The following GALNTL6 variants were observed in gnomAD, a reference collection of about 807,000 sequenced individuals.
The protein encoded by GALNTL6 is polypeptide N-acetylgalactosaminyltransferase-like 6.
Under a neutral mutation model 73.7 loss-of-function variants are expected in GALNTL6, and 46 were observed. The observed-to-expected ratio is 0.62, with a 90% CI of 0.49 to 0.80. GALNTL6 has a LOEUF of 0.80. Among genes scored for constraint, GALNTL6 ranks in the 30% least tolerant of loss-of-function variants. The pLI, the probability that GALNTL6 is intolerant of heterozygous loss-of-function variation, is 0.00. For synonymous variants in GALNTL6, 259 were observed against 263.7 expected (o/e 0.98, Z 0.17); for missense variants, 604 against 755.0 (o/e 0.80, Z 2.34).
chr4:171,972,731 C>G (rs903878888), intron 2 of GALNTL6, among the ~76,000 whole-genome samples: 2 of 152,004 alleles, frequency 1.3e-5, no homozygotes, highest in African/African-American at 4.8e-5. Flanking sequence ...AAATTGCTAT[C>G]TATTAAATTG....
At chr4:172,821,241 G>A (rs150719921) in intron 7 of GALNTL6, among the ~76,000 whole-genome samples, 70 of 152,272 alleles carry the variant, frequency 4.6e-4, no homozygotes, top group Middle Eastern at 3.4e-3. Context: ...AGGGACTATC[G>A]TGATGAATAA....
intron 2 of GALNTL6, among the ~76,000 whole-genome samples, chr4:171,943,538 A>G (rs1738612485): frequency 6.6e-6 from 1 of 152,188 alleles, no homozygotes; most frequent in Non-Finnish European, 1.5e-5. Context: ...TCTCTTACTT[A>G]AAGTGTGTGA....
At chr4:172,922,503 T>C (rs1291257682) in intron 8 of GALNTL6, among the ~76,000 whole-genome samples, 2 of 152,032 alleles carry the variant, frequency 1.3e-5, no homozygotes, top group Non-Finnish European at 2.9e-5. Context: ...GCATAGTTAT[T>C]GGCAGACTGA....
chr4:172,090,525 T>G (rs1264862933), intron 2 of GALNTL6, among the ~76,000 whole-genome samples: 1 of 152,228 alleles, frequency 6.6e-6, no homozygotes, highest in Non-Finnish European at 1.5e-5. Flanking sequence ...GTTCATATAC[T>G]TTGCCCACTT....
At chr4:172,939,921 C>T (rs558921765) in intron 9 of GALNTL6, among the ~76,000 whole-genome samples, 69 of 152,164 alleles carry the variant, frequency 4.5e-4, no homozygotes, top group African/African-American at 1.5e-3. Flanking sequence ...AATTCCTAAC[C>T]CGATGGCATC....
At chr4:172,030,572 T>A (rs1446665300) in intron 2 of GALNTL6, among the ~76,000 whole-genome samples, 1 of 151,644 alleles carries the variant, frequency 6.6e-6, no homozygotes, top group Non-Finnish European at 1.5e-5. Context: ...TAGCCAGGTG[T>A]GGTGGTGCAC....
At chr4:172,139,135 G>C (rs1733735994) in intron 2 of GALNTL6, among the ~76,000 whole-genome samples, 1 of 152,088 alleles carries the variant, frequency 6.6e-6, no homozygotes, top group South Asian at 2.1e-4. Flanking sequence ...CACTGTGCTA[G>C]ACCTTATTGA....
chr4:172,932,100 C>G (rs1748372068), intron 9 of GALNTL6, among the ~76,000 whole-genome samples: 1 of 152,176 alleles, frequency 6.6e-6, no homozygotes, highest in African/African-American at 2.4e-5. Context: ...GGTTCTTTTA[C>G]TAATAAGGCT....
intron 2 of GALNTL6, among the ~76,000 whole-genome samples, chr4:172,111,398 T>C (rs1000638307): frequency 1.1e-4 from 17 of 152,180 alleles, no homozygotes; most frequent in African/African-American, 3.8e-4. Context: ...CTTTTAGATT[T>C]CTGATAAATT....
chr4:172,095,412 GA>G (rs958233341), intron 2 of GALNTL6, among the ~76,000 whole-genome samples: 4 of 152,158 alleles, frequency 2.6e-5, no homozygotes, highest in South Asian at 2.1e-4. Context: ...GGAAGTGGTG[GA>G]AAAAAATGCA....
At chr4:172,225,200 G>A (rs896848261) in intron 2 of GALNTL6, among the ~76,000 whole-genome samples, 2 of 151,984 alleles carry the variant, frequency 1.3e-5, no homozygotes, top group Non-Finnish European at 1.5e-5. Context: ...ATGGGTCTGG[G>A]CGCTGGAGAT....
At chr4:171,910,803 T>C (rs1288032127) in intron 2 of GALNTL6, among the ~76,000 whole-genome samples, 1 of 152,162 alleles carries the variant, frequency 6.6e-6, no homozygotes, top group Non-Finnish European at 1.5e-5. Context: ...AATGATATTT[T>C]TTTCTTAATC....
intron 3 of GALNTL6, among the ~76,000 whole-genome samples, chr4:172,279,878 A>G (rs1231347985): frequency 1.3e-5 from 2 of 152,204 alleles, no homozygotes; most frequent in African/African-American, 2.4e-5. Flanking sequence ...TATCCACACA[A>G]TAGAATACTA....
intron 4 of GALNTL6, among the ~76,000 whole-genome samples, chr4:172,347,696 T>G (rs928058227): frequency 2.0e-5 from 3 of 152,192 alleles, no homozygotes; most frequent in Non-Finnish European, 4.4e-5. Flanking sequence ...GAATTTCATG[T>G]TTTTACACAT....
rs147141182 is a variant in GALNTL6, at chr4:172,779,334, C to T, written c.554-30027C>T. 9.2e-5 allele frequency among the ~76,000 whole-genome samples: 14 copies of T among 152,262 alleles called. No individual in the cohort carries two copies. In the East Asian group the frequency reaches 2.5e-3, roughly 27 times the overall value. On this transcript the variant is annotated intron_variant, in intron 5 of 12. Transcript: ENST00000506823. ...AGAGCAGAAACTCTTGACCTTCTAA[C>T]ATTTTGAAGGTCTAAGCCTCAACTC...
intron 2 of GALNTL6, among the ~76,000 whole-genome samples, chr4:172,170,391 C>T (rs370137502): frequency 6.6e-6 from 1 of 152,098 alleles, no homozygotes; most frequent in Non-Finnish European, 1.5e-5. Flanking sequence ...GCCTGTCTCC[C>T]CTTCACCTTT....
chr4:172,303,207 C>T (rs1740003477), intron 3 of GALNTL6, among the ~76,000 whole-genome samples: 1 of 152,054 alleles, frequency 6.6e-6, no homozygotes, highest in African/African-American at 2.4e-5. Context: ...ACCATCTTGG[C>T]CAGGCTGGTC....
intron 5 of GALNTL6, among the ~76,000 whole-genome samples, chr4:172,732,133 G>A (rs1258448520): frequency 1.3e-5 from 2 of 152,022 alleles, no homozygotes; most frequent in East Asian, 3.9e-4. Context: ...CTGAGAATGG[G>A]ATGTTAACAT....
At chr4:172,970,709 T>C (rs1479439988) in intron 10 of GALNTL6, among the ~76,000 whole-genome samples, 1 of 152,194 alleles carries the variant, frequency 6.6e-6, no homozygotes, top group Non-Finnish European at 1.5e-5. Flanking sequence ...TGTACAATAG[T>C]GGTCCTGAGG....
Sources: allele counts gnomAD v4.1 joint callset (sites outside exome capture counted in the v4.1 genomes callset), GRCh38; gene constraint gnomAD v4.1.1; transcripts MANE v1.5; gene names NCBI Gene and HGNC (gene_info 2026-07-23, HGNC 2026-07-21).